The following ST18 variants were observed in gnomAD, a reference collection of about 807,000 sequenced individuals.
ST18 encodes the protein suppression of tumorigenicity 18 protein.
Under a neutral mutation model 110.0 loss-of-function variants are expected in ST18, and 50 were observed. The observed-to-expected ratio is 0.45, with a 90% CI of 0.36 to 0.58. The LOEUF is 0.58. Among genes scored for constraint, ST18 ranks in the 20% least tolerant of loss-of-function variants. ST18 has a pLI of 0.00. For synonymous variants in ST18, 461 were observed against 452.4 expected (o/e 1.02, Z -0.24); for missense variants, 1,306 against 1,280.1 (o/e 1.02, Z -0.31).
At chr8:52,305,900 C>G (rs1038274561) in intron 2 of ST18, among the ~76,000 whole-genome samples, 1 of 152,190 alleles carries the variant, frequency 6.6e-6, no homozygotes, top group Non-Finnish European at 1.5e-5. Context: ...CCAGAATGCT[C>G]TTTTTAAAGT....
chr8:52,114,856 G>A (rs928362396), intron 25 of ST18, among the ~76,000 whole-genome samples: 5 of 152,224 alleles, frequency 3.3e-5, no homozygotes, highest in African/African-American at 9.6e-5. Context: ...TGTGTGATCA[G>A]CACTAAAAAT....
intron 2 of ST18, among the ~76,000 whole-genome samples, chr8:52,271,446 T>C (rs1209925264): frequency 1.3e-5 from 2 of 152,180 alleles, no homozygotes; most frequent in African/African-American, 2.4e-5. Context: ...GGCTTACCAA[T>C]ATATACTCAA....
intron 2 of ST18, among the ~76,000 whole-genome samples, chr8:52,328,860 C>T (rs973434864): frequency 2.0e-5 from 3 of 152,104 alleles, no homozygotes; most frequent in African/African-American, 4.8e-5. Context: ...CGGGAAGTTT[C>T]TGTCTGCTGG....
intron 2 of ST18, among the ~76,000 whole-genome samples, chr8:52,365,473 G>A (rs1257034409): frequency 2.6e-5 from 4 of 151,862 alleles, no homozygotes; most frequent in African/African-American, 9.7e-5. Context: ...AGAAGTAAAT[G>A]AAATGGAGGT....
intron 9 of ST18, among the ~76,000 whole-genome samples, chr8:52,173,322 A>T (rs964222773): frequency 6.6e-6 from 1 of 152,196 alleles, no homozygotes; most frequent in African/African-American, 2.4e-5. Context: ...AAATGAGACA[A>T]GGTGGGGCAT....
chr8:52,222,061 T>C (rs1246351873), intron 3 of ST18: 2 of 152,208 alleles, frequency 1.3e-5, no homozygotes, highest in Non-Finnish European at 2.9e-5. Flanking sequence ...ACAGTCACAC[T>C]GGCAAACAAA....
rs36033913 is a variant in ST18, at chr8:52,164,096, TA to T, written c.1296-7del. On this transcript the variant is annotated splice_region_variant and splice_polypyrimidine_tract_variant and intron_variant, in intron 12 of 25. Transcript: ENST00000689386. ...CAATTGGACAACCAGAAAGACTGTTTAAAAAAAGAAACACAGGAGGATTTTA... is the reference window on the plus strand; with the variant it reads ...CAATTGGACAACCAGAAAGACTGTTTAAAAAAGAAACACAGGAGGATTTTA... The T allele has an allele frequency of 6.2e-7, 1 of 1,611,502 alleles. No homozygotes were observed. Among genetic ancestry groups the T allele is most frequent in the South Asian group, 1.1e-5 (1 of 90,954 alleles).
chr8:52,383,729 G>T (rs1272815799), intron 2 of ST18, among the ~76,000 whole-genome samples: 1 of 150,860 alleles, frequency 6.6e-6, no homozygotes, highest in Non-Finnish European at 1.5e-5. Flanking sequence ...TTACAGGCGT[G>T]AGCCACCACA....
Position 52,280,962 on chromosome 8 carries a change from A to G in ST18, c.-464-50885T>C, listed in dbSNP as rs2095365047. ...TGATATACTAGAAAATAAATTTCAAATTAGTAATATCACAGAGACCATGTT... is the reference window on the plus strand; with the variant it reads ...TGATATACTAGAAAATAAATTTCAAGTTAGTAATATCACAGAGACCATGTT... On this transcript the variant is annotated intron_variant, in intron 2 of 25. Coordinates refer to ENST00000689386, the MANE Select transcript of ST18 (RefSeq NM_001352837.2). 1.3e-5 allele frequency among the ~76,000 whole-genome samples: 2 copies of G among 152,112 alleles called. 1 individual carries two copies. The highest frequency in any genetic ancestry group is 4.1e-4 in the South Asian group (2 of 4,828).
At chr8:52,228,967 C>T (rs1257647772) in intron 3 of ST18, among the ~76,000 whole-genome samples, 1 of 152,082 alleles carries the variant, frequency 6.6e-6, no homozygotes, top group Non-Finnish European at 1.5e-5. Context: ...ATTGCATTTA[C>T]AAATATATCA....
At chr8:52,329,924 T>C (rs1211132999) in intron 2 of ST18, among the ~76,000 whole-genome samples, 2 of 152,296 alleles carry the variant, frequency 1.3e-5, no homozygotes, top group East Asian at 1.9e-4. Flanking sequence ...TCGTAGCTAA[T>C]AGTGGGTTGG....
chr8:52,141,966 A>G (rs569427461), intron 17 of ST18, among the ~76,000 whole-genome samples: 8 of 152,306 alleles, frequency 5.3e-5, no homozygotes, highest in Admixed American at 4.6e-4. Flanking sequence ...ACATGAGTCT[A>G]GAAGGGCTAG....
chr8:52,359,284 C>T (rs775959933), intron 2 of ST18, among the ~76,000 whole-genome samples: 2 of 152,040 alleles, frequency 1.3e-5, no homozygotes, highest in East Asian at 1.9e-4. Flanking sequence ...GATAGATACA[C>T]GACACTGTGA....
intron 2 of ST18, among the ~76,000 whole-genome samples, chr8:52,365,347 G>A (rs1314417512): frequency 6.6e-6 from 1 of 152,026 alleles, no homozygotes; most frequent in Non-Finnish European, 1.5e-5. Flanking sequence ...GGATTCTATG[G>A]CTAAATCGTC....
intron 8 of ST18, among the ~76,000 whole-genome samples, chr8:52,196,421 A>G (rs971188692): frequency 3.3e-5 from 5 of 152,144 alleles, no homozygotes; most frequent in African/African-American, 1.2e-4. Flanking sequence ...CTCTGTTTTT[A>G]TTTGGCGAAT....
intron 15 of ST18, among the ~76,000 whole-genome samples, chr8:52,152,752 G>A (rs913174219): frequency 7.9e-5 from 12 of 152,142 alleles, no homozygotes; most frequent in Admixed American, 3.3e-4. Flanking sequence ...TAATTAAACT[G>A]AAGGTTGAAC....
At chr8:52,283,638 G>A (rs948790866) in intron 2 of ST18, among the ~76,000 whole-genome samples, 2 of 152,156 alleles carry the variant, frequency 1.3e-5, no homozygotes, top group African/African-American at 4.8e-5. Flanking sequence ...GACTGAGATC[G>A]AGACTCAGCT....
At chr8:52,148,762 C>T (rs2058058973) in intron 16 of ST18, among the ~76,000 whole-genome samples, 1 of 151,778 alleles carries the variant, frequency 6.6e-6, no homozygotes, top group Non-Finnish European at 1.5e-5. Context: ...GAAAAACAGC[C>T]CAATCTTGTG....
intron 2 of ST18, among the ~76,000 whole-genome samples, chr8:52,263,984 A>G (rs2094786575): frequency 6.6e-6 from 1 of 152,008 alleles, no homozygotes; most frequent in Admixed American, 6.6e-5. Context: ...TTTTTAGTAG[A>G]GACGGGTTTT....
Sources: gnomAD v4.1 joint callset for allele counts (sites outside exome capture counted in the v4.1 genomes callset) on GRCh38, gnomAD v4.1.1 for gene constraint, MANE v1.5 for transcripts, NCBI Gene and HGNC (gene_info 2026-07-23, HGNC 2026-07-21) for gene names.